TMEM168: variants seen among roughly 807,000 people sequenced by gnomAD.
TMEM168 encodes the protein transmembrane protein 168.
TMEM168 carries 40 observed loss-of-function variants against 53.2 expected under a neutral mutation model. That is an observed-to-expected ratio of 0.75 (90% CI 0.58 to 0.98). The LOEUF (loss-of-function observed/expected upper bound fraction) is 0.98, where lower values mean the gene tolerates loss of function less well. TMEM168 is among the 50% of genes least tolerant of loss of function. The pLI is 0.00. For missense variants in TMEM168, 771 were observed against 828.8 expected (o/e 0.93, Z 0.86); for synonymous variants, 282 against 293.0 (o/e 0.96, Z 0.38).
rs71155068 is a variant in TMEM168 at position 112,777,886 on chromosome 7, C to CTGTG, written c.1129-2572_1129-2569dup. ...GTTTTGCTGCTTCTTGCTCTTGGTG[C>CTGTG]TGTGTGTGTGTGTGTGTGTGTGTGT... On this transcript the variant is annotated intron_variant, in intron 2 of 4. Coordinates refer to ENST00000312814, the MANE Select transcript of TMEM168 (RefSeq NM_022484.6). 4.3e-3 allele frequency among the ~76,000 whole-genome samples: 543 copies of CTGTG among 126,098 alleles called. 3 individuals carry two copies. Among genetic ancestry groups the CTGTG allele is most frequent in the East Asian group, 0.012 (47 of 3,768 alleles). 82.7% of individuals were successfully genotyped at this position (126,098 alleles called of 152,430 possible).
At chr7:112,779,941 T>A (rs1793184402) in intron 2 of TMEM168, among the ~76,000 whole-genome samples, 1 of 152,154 alleles carries the variant, frequency 6.6e-6, no homozygotes, top group Non-Finnish European at 1.5e-5. Context: ...AAAGCCCAAC[T>A]AAGAAACAGT....
intron 4 of TMEM168, 83 bp downstream of exon 4, chr7:112,772,698 A>G (rs2116241056): frequency 6.7e-7 from 1 of 1,488,116 alleles, no homozygotes; most frequent in East Asian, 2.3e-5. Flanking sequence ...AATCCTGGAA[A>G]TTTAACGACT....
intron 1 of TMEM168, among the ~76,000 whole-genome samples, chr7:112,788,872 C>T (rs1197432980): frequency 6.6e-6 from 1 of 152,134 alleles, no homozygotes; most frequent in Non-Finnish European, 1.5e-5. Flanking sequence ...TGAACATTTC[C>T]CTGTATCCAC....
intron 4 of TMEM168, among the ~76,000 whole-genome samples, chr7:112,768,813 C>CA (rs891187551): frequency 7.9e-5 from 12 of 151,352 alleles, no homozygotes; most frequent in Admixed American, 6.6e-4. Flanking sequence ...CAAAAAATTA[C>CA]AAAAAAAGAC....
At chr7:112,767,850 G>A in intron 4 of TMEM168, 106 bp from the exon 5 acceptor site, 2 of 980,270 alleles carry the variant, frequency 2.0e-6, no homozygotes, top group Non-Finnish European at 2.9e-6. Context: ...TGTTATACAT[G>A]TATTTTCCTT....
rs367657439 is a variant in TMEM168, at chr7:112,765,214, T to G, written c.*1983A>C. The G allele has an allele frequency of 6.6e-6, 1 of 152,210 alleles. No homozygotes were observed. Among genetic ancestry groups the G allele is most frequent in the African/African-American group, 2.4e-5 (1 of 41,446 alleles). The allele number at this position is 152,210 out of a possible 1,614,324, so 9.4% of individuals were successfully genotyped here. ...GTAGGAGAATTCATCAAAGTGGACATTCTATAAATTTTTGGTTAACAAATT... is the reference window on the plus strand; with the variant it reads ...GTAGGAGAATTCATCAAAGTGGACAGTCTATAAATTTTTGGTTAACAAATT... On this transcript the variant is annotated 3_prime_UTR_variant, in exon 5 of 5. Coordinates refer to ENST00000312814, the MANE Select transcript of TMEM168 (RefSeq NM_022484.6).
Position 112,780,943 on chromosome 7 carries a change from CAAAAAAA to C in TMEM168, c.1128+2748_1128+2754del, listed in dbSNP as rs1222902089. On this transcript the variant is annotated intron_variant, in intron 2 of 4. Transcript: ENST00000312814. Reference sequence around the variant, plus strand: ...GGTCACACAAATACATGATCCGTATCAAAAAAAAAAAAAAAAAAAAAACGGGGGCACA... The same window carrying C: ...GGTCACACAAATACATGATCCGTATCAAAAAAAAAAAAAAACGGGGGCACA... 8.3e-3 allele frequency among the ~76,000 whole-genome samples: 499 copies of C among 60,020 alleles called. 3 individuals carry two copies. Among genetic ancestry groups the C allele is most frequent in the African/African-American group, 0.025 (454 of 18,268 alleles). The allele number at this position is 60,020 out of a possible 152,430, so 39.4% of individuals were successfully genotyped here. A position where few individuals can be genotyped will look rare whatever the true frequency, so the allele number is the denominator to read the frequency against.
intron 2 of TMEM168, chr7:112,778,483 C>G (rs1198967325): frequency 6.6e-6 from 1 of 152,068 alleles, no homozygotes; most frequent in Non-Finnish European, 1.5e-5. Flanking sequence ...TGTTTCTGTT[C>G]TTACAAATGG....
intron 3 of TMEM168, among the ~76,000 whole-genome samples, chr7:112,773,980 T>C (rs1793000715): frequency 6.6e-6 from 1 of 152,220 alleles, no homozygotes; most frequent in Admixed American, 6.5e-5. Flanking sequence ...ATCTGTTTCC[T>C]TCAGTTCTTA....
chr7:112,775,066 A>G (rs1222661449), intron 3 of TMEM168, 110 bp downstream of exon 3: 41 of 905,060 alleles, frequency 4.5e-5, no homozygotes, highest in Non-Finnish European at 5.8e-5. Flanking sequence ...AGAAATGCAC[A>G]AGTTATATTT....
At chr7:112,778,898 T>G (rs976939376) in intron 2 of TMEM168, among the ~76,000 whole-genome samples, 3 of 152,252 alleles carry the variant, frequency 2.0e-5, no homozygotes, top group South Asian at 4.1e-4. Context: ...ACTGAGAATT[T>G]TATGCTGATT....
rs1793295859 is a variant in TMEM168 at position 112,783,846 on chromosome 7, T to C, written c.980A>G (p.His327Arg). The C allele has an allele frequency of 6.2e-7, 1 of 1,606,552 alleles. No individual in the cohort carries two copies. Among genetic ancestry groups the C allele is most frequent in the Non-Finnish European group, 8.5e-7 (1 of 1,177,658 alleles). The change falls in exon 2 of 5, where the codon CAT (histidine) becomes CGT (arginine). Residue 327 changes from histidine (H) to arginine (R), a missense_variant. Coordinates refer to ENST00000312814, the MANE Select transcript of TMEM168 (RefSeq NM_022484.6). ...WGFHTKLNDC[H>R]KVYFTHRTDY... Reference sequence around the variant, plus strand: ...TGTCCTGTGAGTAAAATATACTTTATGGCAGTCATTTAATTTGGTATGGAA... The same window carrying C: ...TGTCCTGTGAGTAAAATATACTTTACGGCAGTCATTTAATTTGGTATGGAA...
At position 112,767,093 on chromosome 7, in the gene TMEM168, T is replaced by A; in HGVS notation, c.*104A>T. ...GACAAAGTGAGAGCAGCTACAGAAG[T>A]AGCAAGGTATTTTCCACAAATAAAA... On this transcript the variant is annotated 3_prime_UTR_variant, in exon 5 of 5. Transcript: ENST00000312814. 8.7e-7 allele frequency: 1 copy of A among 1,145,666 alleles called. No homozygotes were observed. The highest frequency in any genetic ancestry group is 1.2e-6 in the Non-Finnish European group (1 of 819,860). The allele number at this position is 1,145,666 out of a possible 1,614,324, so 71.0% of individuals were successfully genotyped here.
chr7:112,771,450 C>A (rs1024305160), intron 4 of TMEM168, among the ~76,000 whole-genome samples: 8 of 152,164 alleles, frequency 5.3e-5, no homozygotes, highest in Non-Finnish European at 1.2e-4. Flanking sequence ...TGGTATCTAT[C>A]TCAAAGGATT....
chr7:112,775,322 A>C lies in TMEM168; in HGVS notation c.1129-4T>G, dbSNP rs1793049635. Reference sequence around the variant, plus strand: ...TCAAGAAAATTCCATTTGTTGGCTAAAAGAAATCCAAAACATGTTTACATA... The same window carrying C: ...TCAAGAAAATTCCATTTGTTGGCTACAAGAAATCCAAAACATGTTTACATA... On this transcript the variant is annotated splice_polypyrimidine_tract_variant and splice_region_variant and intron_variant, in intron 2 of 4. Coordinates refer to ENST00000312814, the MANE Select transcript of TMEM168 (RefSeq NM_022484.6). The C allele has an allele frequency of 1.2e-6, 2 of 1,611,784 alleles. No individual in the cohort carries two copies. The highest frequency in any genetic ancestry group is 2.2e-5 in the South Asian group (2 of 90,676).
At chr7:112,783,283 T>C (rs1793278552) in intron 2 of TMEM168, among the ~76,000 whole-genome samples, 2 of 152,228 alleles carry the variant, frequency 1.3e-5, no homozygotes, top group Non-Finnish European at 2.9e-5. Flanking sequence ...GTCCAGGGAA[T>C]AGACAGAAGT....
intron 2 of TMEM168, among the ~76,000 whole-genome samples, chr7:112,783,054 A>G (rs755345683): frequency 5.9e-5 from 9 of 152,240 alleles, no homozygotes; most frequent in Non-Finnish European, 1.2e-4. Flanking sequence ...GTTTGTTAAT[A>G]CTGCAGATGC....
chr7:112,788,127 A>AT (rs995819692), intron 1 of TMEM168, among the ~76,000 whole-genome samples: 14 of 151,932 alleles, frequency 9.2e-5, no homozygotes, highest in African/African-American at 3.1e-4. Flanking sequence ...AACTCCCCAG[A>AT]TTTTTTTTCT....
At chr7:112,786,735 C>T (rs763629609) in intron 1 of TMEM168, among the ~76,000 whole-genome samples, 1 of 152,158 alleles carries the variant, frequency 6.6e-6, no homozygotes, top group Non-Finnish European at 1.5e-5. Flanking sequence ...AAGAAATTCA[C>T]ATACTAGGCT....
Sources: allele counts gnomAD v4.1 joint callset (sites outside exome capture counted in the v4.1 genomes callset), GRCh38; gene constraint gnomAD v4.1.1; transcripts MANE v1.5; gene names NCBI Gene and HGNC (gene_info 2026-07-23, HGNC 2026-07-21).